The following GRK2 variants were observed in gnomAD, a reference collection of about 807,000 sequenced individuals.
The protein encoded by GRK2 is adrenergic beta receptor kinase 1.
Under a neutral mutation model 97.8 loss-of-function variants are expected in GRK2, and 23 were observed. The ratio of observed to expected loss-of-function variants is 0.24; its 90% confidence interval spans 0.17 to 0.33. GRK2 has a LOEUF of 0.33. Among genes scored for constraint, GRK2 ranks in the 10% least tolerant of loss-of-function variants. The pLI is 1.00. For missense variants in GRK2, 633 were observed against 956.9 expected, an observed-to-expected ratio of 0.66 and a Z score of 4.47; for synonymous variants, 425 against 381.7, an observed-to-expected ratio of 1.11 and a Z score of -1.32.
intron 2 of GRK2, among the ~76,000 whole-genome samples, 166 bp from the exon 3 acceptor site, chr11:67,279,034 G>A (rs2136498944): frequency 6.6e-6 from 1 of 152,300 alleles, no homozygotes; most frequent in South Asian, 2.1e-4. Flanking sequence ...TCTTCACGTT[G>A]GCAGCAGCCT....
intron 15 of GRK2, 132 bp from the exon 16 acceptor site, chr11:67,283,566 GTTCTCCCAT>G: frequency 1.2e-6 from 1 of 840,180 alleles, no homozygotes; most frequent in Non-Finnish European, 1.9e-6. Flanking sequence ...AGGAACTTCT[GTTCTCCCAT>G]TTGAGAGATG....
At chr11:67,274,494 CCTTTTTTTTTTTTTTTTTT>C (rs1263988553) in intron 1 of GRK2, among the ~76,000 whole-genome samples, 2 of 23,582 alleles carry the variant, frequency 8.5e-5, no homozygotes, top group African/African-American at 1.6e-4. Context: ...TTGACCAGCA[CCTTTTTTTTTTTTTTTTTT>C]TTTTTTTTTG....
At chr11:67,277,227 A>G (rs1273496553) in intron 1 of GRK2, 45 bp from the exon 2 acceptor site, 1 of 1,602,500 alleles carries the variant, frequency 6.2e-7, no homozygotes, top group Non-Finnish European at 8.5e-7. Context: ...TGCAGCCCCC[A>G]CGGGCTCTGG....
chr11:67,285,188 T>C lies in GRK2; in HGVS notation c.1905T>C (p.Asp635=), dbSNP rs753410753. 20 of 1,613,216 alleles carry C rather than the reference T, an allele frequency of 1.2e-5. No homozygotes were observed. The highest frequency in any genetic ancestry group is 1.1e-4 in the South Asian group (10 of 91,082). Residue 635 remains aspartate (D), a splice_region_variant and synonymous_variant, in exon 20 of 21, where the codon GAT becomes GAC. Transcript: ENST00000308595. The part of the protein sequence containing the change: ...RGGKQFILQC[D]SDPELVQWKK... ...GGAAACAGTTCATTTTGCAGTGCGA[T>C]GTGAGTGGGGGCTGAGCCAGGGATG... is the stretch of plus-strand genomic sequence containing the variant.
At position 67,285,443 on chromosome 11, in the gene GRK2, G is replaced by A; in HGVS notation, c.2063G>A (p.Gly688Asp). 1 of 1,547,408 alleles carries A rather than the reference G, an allele frequency of 6.5e-7. No homozygotes were observed. The highest frequency in any genetic ancestry group is 8.7e-7 in the Non-Finnish European group (1 of 1,148,472). The change falls in exon 21 of 21, where the codon GGC (glycine) becomes GAC (aspartate). Residue 688 changes from glycine (G) to aspartate (D), a missense_variant. By Grantham distance (94) the Gly-to-Asp change is moderately conservative (BLOSUM62 -1). Transcript: ENST00000308595. ...CTGGTCCAGCGCGGCAGTGCCAACG[G>A]CCTCTGACCCGCCCACCCGCCTTTT... ...VPLVQRGSANGL is the reference protein window; with the variant it reads ...VPLVQRGSANDL
chr11:67,279,389 A>G (rs771623820), intron 3 of GRK2, 29 bp from the exon 4 acceptor site: 1 of 1,610,684 alleles, frequency 6.2e-7, no homozygotes, highest in South Asian at 1.1e-5. Context: ...GCTGGGCTCT[A>G]GATGACCTGC....
At position 67,277,316 on chromosome 11, in the gene GRK2, T is replaced by C; in HGVS notation, c.158T>C (p.Val53Ala). ...MQKYLEDRGE[V>A]TFEKIFSQKL... ...AAGTACCTGGAGGACCGGGGCGAGG[T>C]GACCTTTGAGAAGATCTTTTCCCAG... is the stretch of plus-strand genomic sequence containing the variant. The change falls in exon 2 of 21, where the codon GTG becomes GCG. Residue 53 changes from valine to alanine, a missense_variant. This residue lies in a region of GRK2 where 193 missense variants were observed against 212.2 expected (regional missense o/e 0.91). Transcript: ENST00000308595. 1 of 1,613,712 alleles carries C rather than the reference T, an allele frequency of 6.2e-7. No homozygotes were observed. Among genetic ancestry groups the C allele is most frequent in the Non-Finnish European group, 8.5e-7 (1 of 1,179,960 alleles).
chr11:67,282,389 T>G lies in GRK2; in HGVS notation c.1052+24T>G. The stretch of plus-strand genomic sequence containing the variant: ...GTGTGAGTGCCCCCCACCCTCTCCC[T>G]CCCCACCCCTTGCCACTCCCGCTTA... On this transcript the variant is annotated intron_variant, in intron 12 of 20. Transcript: ENST00000308595. This position sits in a 1 kb window ranked among gnomAD's most constrained non-coding sequence, Gnocchi z 6.9. The G allele has an allele frequency of 9.6e-7, 1 of 1,040,774 alleles. No individual in the cohort carries two copies. The highest frequency in any genetic ancestry group is 1.4e-6 in the Non-Finnish European group (1 of 721,498). 64.5% of individuals were successfully genotyped at this position (1,040,774 alleles called of 1,614,324 possible). A position where few individuals can be genotyped will look rare whatever the true frequency, so the allele number is the denominator to read the frequency against.
At position 67,279,613 on chromosome 11, in the gene GRK2, C is replaced by T; in HGVS notation, c.367-13C>T. ...CCCTGCTGAGAATTCATGGCCACCTCTGTCTTCCCCAGCCCTTCTCGAAGA... is the reference window on the plus strand; with the variant it reads ...CCCTGCTGAGAATTCATGGCCACCTTTGTCTTCCCCAGCCCTTCTCGAAGA... On this transcript the variant is annotated splice_polypyrimidine_tract_variant and intron_variant, in intron 4 of 20. Coordinates refer to ENST00000308595, the MANE Select transcript of GRK2 (RefSeq NM_001619.5). 6.2e-7 allele frequency: 1 copy of T among 1,613,352 alleles called. No individual in the cohort carries two copies. Among genetic ancestry groups the T allele is most frequent in the East Asian group, 2.2e-5 (1 of 44,868 alleles).
In GRK2 at chr11:67,285,126, A is replaced by C. The variant is rs1446888542; in HGVS notation, c.1843A>C (p.Lys615Gln). Residue 615 changes from lysine to glutamine, a missense_variant, in exon 20 of 21, where the codon AAG becomes CAG. Physicochemically the swap from Lys to Gln is moderately conservative, Grantham distance 53 (BLOSUM62 1). This residue lies in a region of GRK2 where 180 missense variants were observed against 311.3 expected (regional missense o/e 0.58). Transcript: ENST00000308595. ...EIQSVEETQI[K>Q]ERKCLLLKIR... ...CCAGTCGGTGGAGGAGACGCAGATC[A>C]AGGAGCGCAAGTGCCTGCTCCTCAA... 6.2e-7 allele frequency: 1 copy of C among 1,613,610 alleles called. No homozygotes were observed. The highest frequency in any genetic ancestry group is 1.7e-5 in the Admixed American group (1 of 60,034).
In GRK2 at chr11:67,284,322, C is replaced by T. The variant is rs1158818904; in HGVS notation, c.1603C>T (p.Arg535Trp). ...CGACACCATCAACGCTGAGACAGAC[C>T]GGCTGGAGGCTCGCAAGAAAGCCAA... is the stretch of plus-strand genomic sequence containing the variant. ...VFDTINAETDRLEARKKAKNK... is the reference protein window; with the variant it reads ...VFDTINAETDWLEARKKAKNK... The change falls in exon 18 of 21, where the codon CGG (arginine) becomes TGG (tryptophan). Residue 535 changes from arginine to tryptophan, a missense_variant. Arg to Trp is a moderately radical substitution (Grantham distance 101). This residue lies in a region of GRK2 where 180 missense variants were observed against 311.3 expected (regional missense o/e 0.58). Transcript: ENST00000308595. The T allele has an allele frequency of 4.3e-6, 7 of 1,613,184 alleles. No homozygotes were observed. The highest frequency in any genetic ancestry group is 1.3e-5 in the African/African-American group (1 of 75,038).
intron 2 of GRK2, among the ~76,000 whole-genome samples, 159 bp from the exon 3 acceptor site, chr11:67,279,041 G>A (rs1371095565): frequency 6.6e-6 from 1 of 152,216 alleles, no homozygotes; most frequent in Non-Finnish European, 1.5e-5. Flanking sequence ...GTTGGCAGCA[G>A]CCTTAGCAGC....
intron 1 of GRK2, among the ~76,000 whole-genome samples, chr11:67,270,522 G>C (rs1252223375): frequency 6.6e-6 from 1 of 152,142 alleles, no homozygotes; most frequent in Non-Finnish European, 1.5e-5. Context: ...CGATTTGTGG[G>C]GGAAGGGGTG....
At chr11:67,271,641 G>T (rs895861278) in intron 1 of GRK2, among the ~76,000 whole-genome samples, 1 of 152,250 alleles carries the variant, frequency 6.6e-6, no homozygotes, top group African/African-American at 2.4e-5. Context: ...CTCTTCCTGA[G>T]CATCCCCGCA....
In GRK2 at chr11:67,269,331, T is replaced by C. The variant is rs1859861221; in HGVS notation, c.113+2519T>C. ...CAGTTAGGATTCTCCCCTTTAGCAG[T>C]TGAAGTTATTGAGGCTCAGGGAGGG... On this transcript the variant is annotated intron_variant, in intron 1 of 20. Transcript: ENST00000308595. This position sits in a 1 kb window ranked among gnomAD's most constrained non-coding sequence, Gnocchi z 4.1. Among the ~76,000 whole-genome samples the C allele has an allele frequency of 1.3e-5, 2 of 152,162 alleles. No individual in the cohort carries two copies. Among genetic ancestry groups the C allele is most frequent in the East Asian group, 1.9e-4 (1 of 5,200 alleles).
rs1445646235 is a variant in GRK2 at position 67,282,478 on chromosome 11, G to A, written c.1096G>A (p.Val366Met). The A allele has an allele frequency of 3.7e-6, 6 of 1,613,634 alleles. No individual in the cohort carries two copies. Among genetic ancestry groups the A allele is most frequent in the African/African-American group, 1.3e-5 (1 of 74,934 alleles). Reference sequence around the variant, plus strand: ...GGCTCCGGAGGTCCTGCAGAAGGGCGTGGCCTACGACAGCAGTGCCGACTG... The same window carrying A: ...GGCTCCGGAGGTCCTGCAGAAGGGCATGGCCTACGACAGCAGTGCCGACTG... ...YMAPEVLQKG[V>M]AYDSSADWFS... Residue 366 changes from valine (V) to methionine (M), a missense_variant, in exon 13 of 21, where the codon GTG becomes ATG. Val to Met is a conservative substitution (Grantham distance 21). Coordinates refer to ENST00000308595, the MANE Select transcript of GRK2 (RefSeq NM_001619.5). This position sits in a 1 kb window ranked among gnomAD's most constrained non-coding sequence, Gnocchi z 6.9.
At chr11:67,280,147 T>C (rs1860118412) in intron 6 of GRK2, 2 of 552,408 alleles carry the variant, frequency 3.6e-6, no homozygotes, top group Non-Finnish European at 6.5e-6. Context: ...TCCAGGGAGC[T>C]AGGAGAGCTG....
Position 67,279,687 on chromosome 11 carries a change from C to A in GRK2, c.428C>A (p.Pro143Gln). 1 of 1,613,618 alleles carries A rather than the reference C, an allele frequency of 6.2e-7. No individual in the cohort carries two copies. Among genetic ancestry groups the A allele is most frequent in the South Asian group, 1.1e-5 (1 of 91,080 alleles). Residue 143 changes from proline (P) to glutamine (Q), a missense_variant, in exon 5 of 21, where the codon CCG becomes CAG. By Grantham distance (76) the Pro-to-Gln change is moderately conservative (BLOSUM62 -1). Around this residue, in one of 4 missense-constraint regions of GRK2, gnomAD observed 193 missense variants for 212.2 expected, o/e 0.91. Coordinates refer to ENST00000308595, the MANE Select transcript of GRK2 (RefSeq NM_001619.5). ...QGHLGKKQVP[P>Q]DLFQPYIEEI... The stretch of plus-strand genomic sequence containing the variant: ...CACCTGGGGAAGAAGCAGGTGCCTC[C>A]GGATCTCTTCCAGGTGTGTGCCTCC...
intron 1 of GRK2, among the ~76,000 whole-genome samples, chr11:67,274,657 G>T (rs1859990610): frequency 1.3e-5 from 2 of 151,570 alleles, no homozygotes; most frequent in South Asian, 4.2e-4. Flanking sequence ...GTCGCCCAGG[G>T]CCCAGGCCTC....
Sources: allele counts gnomAD v4.1 joint callset (sites outside exome capture counted in the v4.1 genomes callset), GRCh38; gene constraint gnomAD v4.1.1; regional missense constraint gnomAD v4.1.1; non-coding constraint Gnocchi (gnomAD v3.1); transcripts MANE v1.5; gene names NCBI Gene and HGNC (gene_info 2026-07-23, HGNC 2026-07-21).